The following CTPS1 variants were observed in gnomAD, a reference collection of about 807,000 sequenced individuals.
CTPS1 encodes CTP synthetase 1.
In CTPS1, 25 loss-of-function variants were observed where a neutral mutation model predicts 80.5. The observed-to-expected ratio is 0.31, with a 90% confidence interval of 0.23 to 0.43. The LOEUF (loss-of-function observed/expected upper bound fraction) is 0.43. Among genes scored for constraint, CTPS1 ranks in the 20% least tolerant of loss-of-function variants. The pLI is 1.00. For missense variants in CTPS1, 442 were observed against 725.7 expected (o/e 0.61, Z 4.49); for synonymous variants, 267 against 252.5 (o/e 1.06, Z -0.54).
chr1:41,000,890 A>C, intron 9 of CTPS1, 139 bp from the exon 10 acceptor site: 1 of 483,724 alleles, frequency 2.1e-6, no homozygotes, highest in African/African-American at 2.0e-5. Flanking sequence ...GATCACTTTA[A>C]AGCCAGTATT....
rs1643030210 is a variant in CTPS1, at chr1:41,006,213, G to C, written c.1296+119G>C. ...GCTTGAGTCCATCCCAAAGAACCCTGAGGTTTTGGGCACTCAGACCTACCA... is the reference window on the plus strand; with the variant it reads ...GCTTGAGTCCATCCCAAAGAACCCTCAGGTTTTGGGCACTCAGACCTACCA... On this transcript the variant is annotated intron_variant, in intron 13 of 18. Transcript: ENST00000650070. The C allele has an allele frequency of 3.6e-6, 3 of 825,090 alleles. No homozygotes were observed. In the East Asian group the frequency reaches 7.7e-5, roughly 21 times the overall value. 51.1% of individuals were successfully genotyped at this position (825,090 alleles called of 1,614,324 possible).
At chr1:40,998,396 TAAAAAAAAAAAAAAAA>T (rs56282224) in intron 9 of CTPS1, among the ~76,000 whole-genome samples, 1 of 64,608 alleles carries the variant, frequency 1.5e-5, no homozygotes, top group South Asian at 7.0e-4. Context: ...AGACTCTGTC[TAAAAAAAAAAAAAAAA>T]AAAAAAAAAA....
chr1:41,009,385 C>A (rs986402857), intron 16 of CTPS1, 60 bp from the exon 17 acceptor site: 2 of 1,475,458 alleles, frequency 1.4e-6, no homozygotes, highest in Admixed American at 2.4e-5. Flanking sequence ...AGATTTTGTT[C>A]TTTTACACTT....
chr1:40,994,026 G>T (rs1642687777), intron 7 of CTPS1, among the ~76,000 whole-genome samples: 1 of 152,024 alleles, frequency 6.6e-6, no homozygotes, highest in Non-Finnish European at 1.5e-5. Flanking sequence ...TGATCTGCCT[G>T]CCTCGGCCTC....
Position 40,983,256 on chromosome 1 carries a change from CTG to C in CTPS1, c.-13-20_-13-19del. Reference sequence around the variant, plus strand: ...GTTTGTTGAGATACATTTATATCATCTGTAATTTTTCCTTCTTCCAGGTCAAA... The same window carrying C: ...GTTTGTTGAGATACATTTATATCATCTAATTTTTCCTTCTTCCAGGTCAAA... On this transcript the variant is annotated intron_variant, in intron 1 of 18. Transcript: ENST00000650070. The C allele has an allele frequency of 6.3e-7, 1 of 1,599,870 alleles. No homozygotes were observed. Among genetic ancestry groups the C allele is most frequent in the Non-Finnish European group, 8.5e-7 (1 of 1,171,094 alleles).
At chr1:40,997,144 G>C (rs1001407352) in intron 8 of CTPS1, 7 of 396,278 alleles carry the variant, frequency 1.8e-5, no homozygotes, top group Non-Finnish European at 2.7e-5. Context: ...TTTTGTGGGG[G>C]TTTTTTGAGG....
At chr1:40,993,137 A>G (rs532477449) in intron 7 of CTPS1, among the ~76,000 whole-genome samples, 167 of 152,008 alleles carry the variant, frequency 1.1e-3, no homozygotes, top group African/African-American at 3.8e-3. Context: ...TGGAACCTCC[A>G]CCTGCTGGGT....
Position 40,991,814 on chromosome 1 carries a change from T to C in CTPS1, c.689T>C (p.Ile230Thr). 6.2e-7 allele frequency: 1 copy of C among 1,614,090 alleles called. No homozygotes were observed. Among genetic ancestry groups the C allele is most frequent in the Non-Finnish European group, 8.5e-7 (1 of 1,179,950 alleles). Residue 230 changes from isoleucine (I) to threonine (T), a missense_variant, in exon 7 of 19, where the codon ATA (isoleucine) becomes ACA (threonine). Physicochemically the swap from Ile to Thr is moderately conservative, Grantham distance 89. Around this residue, in one of 4 missense-constraint regions of CTPS1, gnomAD observed 321 missense variants for 467.2 expected, o/e 0.69. Transcript: ENST00000650070. ...NPLDTSVKEK[I>T]SMFCHVEPEQ... is the part of the protein sequence containing the mutation. ...CTTGACACATCAGTGAAGGAGAAAA[T>C]ATCAATGTTCTGCCATGTTGAGCCT... is the stretch of plus-strand genomic sequence containing the variant.
intron 18 of CTPS1, among the ~76,000 whole-genome samples, chr1:41,011,241 T>G (rs1643164545): frequency 2.6e-5 from 4 of 152,204 alleles, no homozygotes; most frequent in Admixed American, 2.6e-4. Flanking sequence ...GGTAAGCGTT[T>G]AACACGGATG....
intron 3 of CTPS1, among the ~76,000 whole-genome samples, chr1:40,986,648 T>C (rs1398438057): frequency 1.3e-5 from 2 of 152,218 alleles, no homozygotes; most frequent in Non-Finnish European, 2.9e-5. Context: ...TAAACAGTAA[T>C]CTTCACCTTT....
intron 5 of CTPS1, 44 bp downstream of exon 5, chr1:40,988,754 G>C (rs1642523309): frequency 7.8e-7 from 1 of 1,282,800 alleles, no homozygotes; most frequent in South Asian, 1.2e-5. Context: ...AGATGGAGAG[G>C]AGGGAGGAAA....
intron 12 of CTPS1, among the ~76,000 whole-genome samples, chr1:41,005,814 G>A (rs989280932): frequency 1.3e-5 from 2 of 152,054 alleles, no homozygotes; most frequent in Admixed American, 6.5e-5. Context: ...TGAGGCTGGC[G>A]GATTGCTTGA....
At chr1:40,982,908 G>A (rs998443178) in intron 1 of CTPS1, among the ~76,000 whole-genome samples, 10 of 152,190 alleles carry the variant, frequency 6.6e-5, no homozygotes, top group Non-Finnish European at 1.0e-4. Context: ...TGAGGCACCT[G>A]CCTGGTATCC....
intron 14 of CTPS1, among the ~76,000 whole-genome samples, chr1:41,008,047 T>C (rs1409452799): frequency 1.3e-5 from 2 of 152,232 alleles, no homozygotes; most frequent in African/African-American, 4.8e-5. Context: ...TTTACTGTAT[T>C]AGCAGAGGCA....
At chr1:41,008,988 C>A in intron 16 of CTPS1, 98 bp downstream of exon 16, 3 of 974,342 alleles carry the variant, frequency 3.1e-6, no homozygotes, top group Non-Finnish European at 4.9e-6. Context: ...CCTGACCTAA[C>A]AGAATTAGGA....
At chr1:40,986,419 G>T (rs1642454833) in intron 3 of CTPS1, among the ~76,000 whole-genome samples, 1 of 152,258 alleles carries the variant, frequency 6.6e-6, no homozygotes, top group Non-Finnish European at 1.5e-5. Flanking sequence ...GCCACAGCCA[G>T]GTTCTACCCA....
rs114024141 is a variant in CTPS1 at position 41,006,310 on chromosome 1, G to A, written c.1296+216G>A. ...TTCATTGACCACAGAAAGTTTTTAA[G>A]ACAGGTACCAGCCCAGGAAACTGGA... On this transcript the variant is annotated intron_variant, in intron 13 of 18. Transcript: ENST00000650070. Among the ~76,000 whole-genome samples the A allele has an allele frequency of 8.6e-3, 1,314 of 152,244 alleles. 8 individuals carry two copies. Among genetic ancestry groups the A allele is most frequent in the Non-Finnish European group, 0.012 (845 of 68,002 alleles).
chr1:40,989,480 A>T (rs1436113186), intron 5 of CTPS1, among the ~76,000 whole-genome samples: 1 of 152,178 alleles, frequency 6.6e-6, no homozygotes, highest in Non-Finnish European at 1.5e-5. Flanking sequence ...TGGGGTATGG[A>T]TAGCCCAGGA....
At chr1:41,000,111 A>G (rs1028151056) in intron 9 of CTPS1, among the ~76,000 whole-genome samples, 1 of 152,276 alleles carries the variant, frequency 6.6e-6, no homozygotes, top group Admixed American at 6.5e-5. Flanking sequence ...CTCCATTTAT[A>G]TGATGTTCTA....
Sources: gnomAD v4.1 joint callset for allele counts (sites outside exome capture counted in the v4.1 genomes callset) on GRCh38, gnomAD v4.1.1 for gene constraint, gnomAD v4.1.1 regional missense constraint, MANE v1.5 for transcripts, NCBI Gene and HGNC (gene_info 2026-07-23, HGNC 2026-07-21) for gene names.